Variants in SYNE2 observed in about 807,000 individuals in gnomAD.
The protein encoded by SYNE2 is nesprin-2.
In SYNE2, 431 loss-of-function variants were observed where a neutral mutation model predicts 856.3. The observed-to-expected ratio is 0.50, with a 90% confidence interval of 0.47 to 0.55. The LOEUF (loss-of-function observed/expected upper bound fraction) is 0.55, where lower values mean the gene tolerates loss of function less well. Ranked by LOEUF, SYNE2 falls within the 20% of genes least tolerant of loss-of-function variation. The pLI, the probability that SYNE2 is intolerant of heterozygous loss-of-function variation, is 0.00. For missense variants in SYNE2, 8,129 were observed against 8,023.2 expected (o/e 1.01, Z -0.50); for synonymous variants, 2,923 against 2,872.3 (o/e 1.02, Z -0.56).
intron 1 of SYNE2, among the ~76,000 whole-genome samples, chr14:63,844,446 A>T (rs1042173992): frequency 3.9e-5 from 6 of 152,216 alleles, no homozygotes; most frequent in Admixed American, 3.9e-4. Flanking sequence ...GTTGCTACCA[A>T]GTTTTGGCAA....
At chr14:64,100,454 TG>T (rs1172216252) in intron 63 of SYNE2, 1 of 141,736 alleles carries the variant, frequency 7.1e-6, no homozygotes, top group Non-Finnish European at 1.5e-5. Context: ...AGGCAGAGGT[TG>T]CAGTGAGCCG....
intron 1 of SYNE2, among the ~76,000 whole-genome samples, chr14:63,884,978 A>T (rs1444605483): frequency 6.6e-6 from 1 of 152,130 alleles, no homozygotes; most frequent in Admixed American, 6.5e-5. Context: ...AGCCAGAGCA[A>T]TAGTTTTCAG....
In SYNE2 at chr14:64,093,337, G is replaced by A. The variant is rs1486975723; in HGVS notation, c.11977-12G>A. ...ATGACAAAGATTCTTTTTTGTGGGG[G>A]TTATTTTATAGGTAGTCATAAAACA... is the stretch of plus-strand genomic sequence containing the variant. On this transcript the variant is annotated splice_polypyrimidine_tract_variant and intron_variant, in intron 60 of 115. Coordinates refer to ENST00000555002, the MANE Select transcript of SYNE2 (RefSeq NM_182914.3). The A allele has an allele frequency of 1.2e-6, 2 of 1,613,236 alleles. No homozygotes were observed. Among genetic ancestry groups the A allele is most frequent in the Non-Finnish European group, 1.7e-6 (2 of 1,179,438 alleles).
chr14:64,010,068 G>T lies in SYNE2; in HGVS notation c.4680G>T (p.Leu1560=), dbSNP rs1281318285. The T allele has an allele frequency of 1.9e-6, 3 of 1,613,966 alleles. No individual in the cohort carries two copies. The East Asian group carries it at 6.7e-5, about 36-fold the overall frequency. ...LIQKEESVIS[L]QASYMGKENL... ...AAAAAGAAGAGAGTGTCATCTCCCT[G>T]CAGGCTTCGTACATGGGAAAGGAGA... Residue 1560 remains leucine (L), a synonymous_variant, in exon 32 of 116, where the codon CTG becomes CTT. Transcript: ENST00000555002.
intron 81 of SYNE2, 112 bp from the exon 82 acceptor site, chr14:64,141,828 ACC>A (rs2098141406): frequency 7.4e-7 from 1 of 1,343,594 alleles, no homozygotes; most frequent in African/African-American, 1.5e-5. Flanking sequence ...TTTTTGAGTA[ACC>A]TGCATAATTA....
At chr14:64,051,461 T>TA in intron 47 of SYNE2, 96 bp from the exon 48 acceptor site, 1 of 1,199,812 alleles carries the variant, frequency 8.3e-7, no homozygotes. Context: ...TCTGTGAATT[T>TA]AGAGCAGAAT....
intron 66 of SYNE2, among the ~76,000 whole-genome samples, chr14:64,114,274 A>G (rs934591173): frequency 1.3e-5 from 2 of 152,114 alleles, no homozygotes; most frequent in South Asian, 4.2e-4. Flanking sequence ...GGCTAGAATG[A>G]TGACATTGCA....
chr14:64,219,305 C>A lies in SYNE2; in HGVS notation c.19755C>A (p.Ala6585=), dbSNP rs776358562. 1 of 1,613,922 alleles carries A rather than the reference C, an allele frequency of 6.2e-7. No individual in the cohort carries two copies. The highest frequency in any genetic ancestry group is 2.2e-5 in the East Asian group (1 of 44,876). Residue 6585 remains alanine, a synonymous_variant, in exon 110 of 116, where the codon GCC becomes GCA. Transcript: ENST00000555002. ...NLQQLNSDIS[A]ITTWLKKTEA... is the part of the protein sequence containing the mutation. ...AACAGCTGAACTCTGATATCAGCGC[C>A]ATCACTACTTGGCTGAAAAAAACTG...
intron 43 of SYNE2, among the ~76,000 whole-genome samples, chr14:64,028,848 C>T (rs939249989): frequency 3.3e-5 from 5 of 152,078 alleles, no homozygotes; most frequent in Admixed American, 3.3e-4. Flanking sequence ...AAAATAATTA[C>T]GAGGCAGGCT....
At chr14:64,178,994 T>A (rs1228494118) in intron 96 of SYNE2, among the ~76,000 whole-genome samples, 1 of 152,090 alleles carries the variant, frequency 6.6e-6, no homozygotes, top group Non-Finnish European at 1.5e-5. Flanking sequence ...GGAGGATCCT[T>A]TGAGCCCAGT....
chr14:64,174,378 TATTGTTTTTAA>T (rs1427039446), intron 94 of SYNE2, among the ~76,000 whole-genome samples: 1 of 152,180 alleles, frequency 6.6e-6, no homozygotes, highest in Non-Finnish European at 1.5e-5. Flanking sequence ...GGTCTAAAAC[TATTGTTTTTAA>T]ATTGTTTTTA....
chr14:64,096,661 A>G (rs1042742596), intron 61 of SYNE2, among the ~76,000 whole-genome samples: 1 of 152,244 alleles, frequency 6.6e-6, no homozygotes, highest in Non-Finnish European at 1.5e-5. Context: ...CAGACAGAAT[A>G]GGGGTATTGG....
rs760033738 is a variant in SYNE2 at position 64,212,858 on chromosome 14, C to G, written c.18909C>G (p.Leu6303=). Residue 6303 remains leucine (L), a synonymous_variant, in exon 105 of 116, where the codon CTC becomes CTG. Coordinates refer to ENST00000555002, the MANE Select transcript of SYNE2 (RefSeq NM_182914.3). ...TAAATACCAACAAGATTGATCAGCTCATTGTGTTTGGGGAGCAGCTGATTC... is the reference window on the plus strand; with the variant it reads ...TAAATACCAACAAGATTGATCAGCTGATTGTGTTTGGGGAGCAGCTGATTC... ...ITLNTNKIDQ[L]IVFGEQLIQK... The G allele has an allele frequency of 6.2e-7, 1 of 1,614,214 alleles. No homozygotes were observed. Among genetic ancestry groups the G allele is most frequent in the Non-Finnish European group, 8.5e-7 (1 of 1,180,040 alleles).
At position 64,208,924 on chromosome 14, in the gene SYNE2, T is replaced by C. The variant is rs767108094; in HGVS notation, c.18368T>C (p.Met6123Thr). ...LDRRWRNICA[M>T]SMERRMKIEE... is the part of the protein sequence containing the mutation. The stretch of plus-strand genomic sequence containing the variant: ...AGACGCTGGAGGAACATTTGTGCCA[T>C]GTCCATGGAGCGGCGCATGAAGTAA... Residue 6123 changes from methionine to threonine, a missense_variant, in exon 101 of 116, where the codon ATG (methionine) becomes ACG (threonine). Met to Thr is a moderately conservative substitution (Grantham distance 81). This residue lies in a region of SYNE2 where 5,410 missense variants were observed against 5,284.8 expected (regional missense o/e 1.02). Transcript: ENST00000555002. 1.2e-5 allele frequency: 20 copies of C among 1,614,086 alleles called. 1 individual carries two copies. In the East Asian group the frequency reaches 4.2e-4, roughly 34 times the overall value.
Position 64,139,972 on chromosome 14 carries a change from T to C in SYNE2, c.14875T>C (p.Trp4959Arg). 6.2e-7 allele frequency: 1 copy of C among 1,614,018 alleles called. No homozygotes were observed. The highest frequency in any genetic ancestry group is 8.5e-7 in the Non-Finnish European group (1 of 1,179,964). The change falls in exon 80 of 116, where the codon TGG becomes CGG. Residue 4959 changes from tryptophan (W) to arginine (R), a missense_variant. Coordinates refer to ENST00000555002, the MANE Select transcript of SYNE2 (RefSeq NM_182914.3). ...CAGAGATTCGGATCAGTTAACCAAG[T>C]GGTTGGAATCTTCCCAGCATACTCT... is the stretch of plus-strand genomic sequence containing the variant. ...YNRDSDQLTK[W>R]LESSQHTLNY...
chr14:63,837,299 G>C (rs952348598), intron 1 of SYNE2, among the ~76,000 whole-genome samples: 1 of 152,148 alleles, frequency 6.6e-6, no homozygotes, highest in South Asian at 2.1e-4. Context: ...TTAACTGAAA[G>C]TGGATCATTG....
chr14:64,051,406 T>C, intron 47 of SYNE2, 151 bp from the exon 48 acceptor site: 1 of 739,298 alleles, frequency 1.4e-6, no homozygotes, highest in Non-Finnish European at 2.1e-6. Flanking sequence ...AAGATTCTGA[T>C]TTTTATTTTA....
chr14:64,210,972 T>A (rs1300031347), intron 103 of SYNE2, among the ~76,000 whole-genome samples: 1 of 152,090 alleles, frequency 6.6e-6, no homozygotes, highest in African/African-American at 2.4e-5. Flanking sequence ...TCCGTCTTTC[T>A]TTCTCTCTCT....
At chr14:64,093,262 A>G (rs1383620454) in intron 60 of SYNE2, 87 bp from the exon 61 acceptor site, 1 of 1,522,354 alleles carries the variant, frequency 6.6e-7, no homozygotes, top group Admixed American at 1.8e-5. Flanking sequence ...GAGTGATTAA[A>G]ACTTCCATGG....
Sources: allele counts gnomAD v4.1 joint callset (sites outside exome capture counted in the v4.1 genomes callset), GRCh38; gene constraint gnomAD v4.1.1; regional missense constraint gnomAD v4.1.1; transcripts MANE v1.5; gene names NCBI Gene and HGNC (gene_info 2026-07-23, HGNC 2026-07-21).